The following EPHA5 variants were observed in gnomAD, a reference collection of about 807,000 sequenced individuals.
The protein encoded by EPHA5 is EPH receptor A5.
In EPHA5, 60 loss-of-function variants were observed where a neutral mutation model predicts 105.0. The observed-to-expected ratio is 0.57, with a 90% confidence interval of 0.46 to 0.71. The LOEUF is 0.71. EPHA5 is among the 30% of genes least tolerant of loss of function. The pLI, the probability that EPHA5 is intolerant of heterozygous loss-of-function variation, is 0.00. For synonymous variants in EPHA5, 513 were observed against 449.1 expected (o/e 1.14, Z -1.80); for missense variants, 1,218 against 1,274.7 (o/e 0.96, Z 0.68).
intron 3 of EPHA5, among the ~76,000 whole-genome samples, chr4:65,572,491 C>A (rs774945763): frequency 7.2e-5 from 11 of 151,988 alleles, no homozygotes; most frequent in Non-Finnish European, 1.3e-4. Flanking sequence ...CAGTCATCTA[C>A]AAAATAAATG....
chr4:65,472,378 T>C (rs1258011754), intron 5 of EPHA5, among the ~76,000 whole-genome samples: 1 of 152,172 alleles, frequency 6.6e-6, no homozygotes, highest in African/African-American at 2.4e-5. Context: ...AGTGGCCCTC[T>C]TCTCATAGAT....
intron 9 of EPHA5, 122 bp downstream of exon 9, chr4:65,367,235 T>TA (rs1560459981): frequency 6.9e-4 from 580 of 845,436 alleles, no homozygotes; most frequent in African/African-American, 4.1e-3. Flanking sequence ...TAGAACACTT[T>TA]TAAAAAAAAA....
chr4:65,483,298 G>T (rs1479579957), intron 5 of EPHA5, among the ~76,000 whole-genome samples: 4 of 152,132 alleles, frequency 2.6e-5, no homozygotes, highest in African/African-American at 9.7e-5. Context: ...CTTTGCTATT[G>T]TGAATAGTGC....
chr4:65,340,939 C>T (rs546618088), intron 14 of EPHA5, among the ~76,000 whole-genome samples: 4 of 152,198 alleles, frequency 2.6e-5, no homozygotes, highest in Admixed American at 6.5e-5. Flanking sequence ...TAATAAGACT[C>T]CTTTAGAACG....
intron 3 of EPHA5, among the ~76,000 whole-genome samples, chr4:65,544,091 A>G (rs1737131353): frequency 6.6e-6 from 1 of 152,160 alleles, no homozygotes; most frequent in African/African-American, 2.4e-5. Context: ...TGGATTAAAT[A>G]CTTAAATGTA....
chr4:65,648,501 A>G (rs1351506317), intron 1 of EPHA5, among the ~76,000 whole-genome samples: 3 of 152,344 alleles, frequency 2.0e-5, no homozygotes, highest in South Asian at 2.1e-4. Context: ...ATGAAGATAG[A>G]CAATTAGAAG....
chr4:65,369,217 C>T (rs1718218077), intron 8 of EPHA5, among the ~76,000 whole-genome samples: 1 of 152,096 alleles, frequency 6.6e-6, no homozygotes, highest in Admixed American at 6.6e-5. Flanking sequence ...ATTATGTCTA[C>T]ACAATGACAG....
intron 7 of EPHA5, among the ~76,000 whole-genome samples, chr4:65,413,809 C>T (rs1305509803): frequency 6.6e-6 from 1 of 152,098 alleles, no homozygotes; most frequent in Non-Finnish European, 1.5e-5. Flanking sequence ...CCCAGATTCT[C>T]CACTTAAAGA....
chr4:65,418,228 ACT>A (rs1275558791), intron 6 of EPHA5, among the ~76,000 whole-genome samples: 6 of 152,178 alleles, frequency 3.9e-5, no homozygotes, highest in Admixed American at 1.3e-4. Context: ...TATTTATATA[ACT>A]CTACATAGCT....
chr4:65,402,472 C>T (rs1721939271), intron 8 of EPHA5, among the ~76,000 whole-genome samples: 1 of 152,066 alleles, frequency 6.6e-6, no homozygotes, highest in South Asian at 2.1e-4. Flanking sequence ...AGTAAAATGT[C>T]ACCAGTAAAT....
intron 3 of EPHA5, among the ~76,000 whole-genome samples, chr4:65,569,267 G>A (rs920344270): frequency 6.6e-6 from 1 of 151,458 alleles, no homozygotes; most frequent in Admixed American, 6.6e-5. Context: ...AACTAAGGGT[G>A]AATGGCATTT....
chr4:65,488,500 G>A (rs35515539), intron 5 of EPHA5, among the ~76,000 whole-genome samples: 23,523 of 152,170 alleles, frequency 0.15, 2,057 homozygotes, highest in Middle Eastern at 0.19. Context: ...CACATTTACC[G>A]AACACTCCTG....
intron 11 of EPHA5, 139 bp downstream of exon 11, chr4:65,364,877 TC>T (rs1271652299): frequency 3.4e-6 from 2 of 582,932 alleles, no homozygotes; most frequent in East Asian, 6.8e-5. Context: ...TTAACAAAAA[TC>T]TACTAAAATA....
intron 5 of EPHA5, among the ~76,000 whole-genome samples, chr4:65,454,554 C>A (rs976641509): frequency 6.6e-6 from 1 of 152,126 alleles, no homozygotes; most frequent in East Asian, 1.9e-4. Flanking sequence ...CTAGAATGTA[C>A]ACATTATACA....
intron 3 of EPHA5, among the ~76,000 whole-genome samples, chr4:65,560,379 C>T (rs1465162913): frequency 6.6e-6 from 1 of 151,986 alleles, no homozygotes; most frequent in Admixed American, 6.6e-5. Context: ...TAGCCATTGT[C>T]CCGTATCACA....
intron 5 of EPHA5, among the ~76,000 whole-genome samples, chr4:65,475,758 T>C (rs1014647776): frequency 2.6e-5 from 4 of 152,212 alleles, no homozygotes; most frequent in African/African-American, 9.6e-5. Context: ...TCTCAGTTAA[T>C]AGATTGTTGA....
intron 5 of EPHA5, among the ~76,000 whole-genome samples, chr4:65,465,536 GGAA>G (rs1728616273): frequency 4.3e-5 from 3 of 69,160 alleles, no homozygotes; most frequent in Non-Finnish European, 8.1e-5. Flanking sequence ...AGAAAAGAAA[GGAA>G]AGGAAGGAAA....
chr4:65,577,111 T>A (rs1045231661), intron 3 of EPHA5, among the ~76,000 whole-genome samples: 2 of 152,228 alleles, frequency 1.3e-5, no homozygotes, highest in Non-Finnish European at 2.9e-5. Flanking sequence ...AGAATCATTT[T>A]TGAAAGTAAG....
At chr4:65,346,550 T>C (rs560580271) in intron 14 of EPHA5, among the ~76,000 whole-genome samples, 2 of 152,244 alleles carry the variant, frequency 1.3e-5, no homozygotes, top group Non-Finnish European at 2.9e-5. Flanking sequence ...TTGTCTTTTT[T>C]TATTATTATA....
Sources: allele counts gnomAD v4.1 joint callset (sites outside exome capture counted in the v4.1 genomes callset), GRCh38; gene constraint gnomAD v4.1.1; transcripts MANE v1.5; gene names NCBI Gene and HGNC (gene_info 2026-07-23, HGNC 2026-07-21).